Variants in EPHA3 observed in about 807,000 individuals in gnomAD.
The protein encoded by EPHA3 is ephrin type-A receptor 3.
Under a neutral mutation model 107.1 loss-of-function variants are expected in EPHA3, and 42 were observed. That is an observed-to-expected ratio of 0.39 (90% CI 0.31 to 0.51). The LOEUF (loss-of-function observed/expected upper bound fraction) is 0.51. Ranked by LOEUF, EPHA3 falls within the 20% of genes least tolerant of loss-of-function variation. The probability of loss-of-function intolerance (pLI) is 0.78; values close to 1 mark genes in which losing one functional copy is unlikely to be tolerated. For synonymous variants in EPHA3, 461 were observed against 424.8 expected (o/e 1.09, Z -1.05); for missense variants, 1,183 against 1,211.2 (o/e 0.98, Z 0.35).
At chr3:89,118,335 C>T (rs576494229) in intron 1 of EPHA3, among the ~76,000 whole-genome samples, 2 of 151,936 alleles carry the variant, frequency 1.3e-5, no homozygotes, top group South Asian at 4.1e-4. Flanking sequence ...TTTTCTTTGA[C>T]ATTTGTACAT....
chr3:89,475,773 A>G (rs1223894314), intron 16 of EPHA3, among the ~76,000 whole-genome samples: 1 of 152,178 alleles, frequency 6.6e-6, no homozygotes, highest in Admixed American at 6.6e-5. Context: ...TTGCCTTTGA[A>G]GTACCAGATA....
chr3:89,415,323 TA>T (rs1291849463), intron 10 of EPHA3, among the ~76,000 whole-genome samples: 1 of 150,776 alleles, frequency 6.6e-6, no homozygotes, highest in Non-Finnish European at 1.5e-5. Context: ...ACCTACTTCC[TA>T]CATTCTTAAT....
At chr3:89,454,995 G>GA (rs1218523735) in intron 15 of EPHA3, among the ~76,000 whole-genome samples, 6 of 151,906 alleles carry the variant, frequency 3.9e-5, no homozygotes, top group African/African-American at 1.5e-4. Context: ...ACTGTCTCTT[G>GA]AAAAAAATTA....
At chr3:89,201,229 C>T (rs1468103838) in intron 2 of EPHA3, among the ~76,000 whole-genome samples, 1 of 152,038 alleles carries the variant, frequency 6.6e-6, no homozygotes, top group African/African-American at 2.4e-5. Flanking sequence ...AAGCAGATCT[C>T]ATGAGAACTC....
Position 89,221,983 on chromosome 3 carries a change from C to A in EPHA3, c.814+11463C>A, listed in dbSNP as rs114068581. 4.6e-3 allele frequency among the ~76,000 whole-genome samples: 696 copies of A among 152,196 alleles called. 3 individuals are homozygous for A. Among genetic ancestry groups the A allele is most frequent in the African/African-American group, 0.016 (658 of 41,546 alleles). ...ATATTAATTAGCATAACATCTCTTT[C>A]TTTAACATAGGATTAGGTAAGCCTC... is the stretch of plus-strand genomic sequence containing the variant. On this transcript the variant is annotated intron_variant, in intron 3 of 16. Coordinates refer to ENST00000336596, the MANE Select transcript of EPHA3 (RefSeq NM_005233.6).
At position 89,272,157 on chromosome 3, in the gene EPHA3, G is replaced by A. The variant is rs371170946; in HGVS notation, c.814+61637G>A. Among the ~76,000 whole-genome samples, 7 of 151,926 alleles carry A rather than the reference G, an allele frequency of 4.6e-5. No individual in the cohort carries two copies. The East Asian group carries it at 7.7e-4, about 17-fold the overall frequency. On this transcript the variant is annotated intron_variant, in intron 3 of 16. Coordinates refer to ENST00000336596, the MANE Select transcript of EPHA3 (RefSeq NM_005233.6). ...TGGTCAACAGTAGGCTATTAGTAAAGTTTTTGAAAAGTCAAAAGTTATGCA... is the reference window on the plus strand; with the variant it reads ...TGGTCAACAGTAGGCTATTAGTAAAATTTTTGAAAAGTCAAAAGTTATGCA...
chr3:89,424,390 GC>G (rs1559691046), intron 11 of EPHA3, among the ~76,000 whole-genome samples: 3 of 151,104 alleles, frequency 2.0e-5, no homozygotes, highest in Non-Finnish European at 4.4e-5. Context: ...TATGTAAACA[GC>G]CCCCAAACAA....
At chr3:89,116,346 G>T (rs1168793033) in intron 1 of EPHA3, among the ~76,000 whole-genome samples, 5 of 152,010 alleles carry the variant, frequency 3.3e-5, no homozygotes. Flanking sequence ...GTCAGTAATA[G>T]GAGAAAATAG....
chr3:89,447,238 T>C (rs1260850610), intron 13 of EPHA3, among the ~76,000 whole-genome samples: 1 of 152,154 alleles, frequency 6.6e-6, no homozygotes, highest in Non-Finnish European at 1.5e-5. Flanking sequence ...GTCTCTCCAA[T>C]TTCATTTGTT....
At chr3:89,271,570 G>A (rs1239085544) in intron 3 of EPHA3, among the ~76,000 whole-genome samples, 1 of 151,702 alleles carries the variant, frequency 6.6e-6, no homozygotes, top group Non-Finnish European at 1.5e-5. Context: ...CATTTAACTG[G>A]TAGTATGTAA....
At chr3:89,476,664 G>A (rs1273379059) in intron 16 of EPHA3, among the ~76,000 whole-genome samples, 1 of 150,984 alleles carries the variant, frequency 6.6e-6, no homozygotes, top group Non-Finnish European at 1.5e-5. Flanking sequence ...CTGGAGTGCA[G>A]TGGCGCGATC....
chr3:89,168,604 G>T lies in EPHA3; in HGVS notation c.154-41256G>T, dbSNP rs562316622. Among the ~76,000 whole-genome samples the T allele has an allele frequency of 2.8e-3, 432 of 151,988 alleles. 3 individuals are homozygous for T. Among genetic ancestry groups the T allele is most frequent in the Non-Finnish European group, 5.2e-3 (356 of 67,918 alleles). ...CAATTTTAATTTCATGACTAAATTA[G>T]AGTTTAGTATATTATATCAAAACTA... is the stretch of plus-strand genomic sequence containing the variant. On this transcript the variant is annotated intron_variant, in intron 2 of 16. Transcript: ENST00000336596.
intron 16 of EPHA3, among the ~76,000 whole-genome samples, chr3:89,476,015 G>C (rs1192737159): frequency 6.6e-6 from 1 of 150,988 alleles, no homozygotes; most frequent in African/African-American, 2.4e-5. Context: ...TAACCCAAAT[G>C]GATAATTACT....
chr3:89,344,977 G>T (rs1707609542), intron 5 of EPHA3, among the ~76,000 whole-genome samples: 1 of 151,266 alleles, frequency 6.6e-6, no homozygotes, highest in African/African-American at 2.4e-5. Flanking sequence ...AGTAAAGAAA[G>T]AATTGCAGAT....
chr3:89,176,298 A>G (rs1195304735), intron 2 of EPHA3, among the ~76,000 whole-genome samples: 1 of 151,934 alleles, frequency 6.6e-6, no homozygotes, highest in Non-Finnish European at 1.5e-5. Context: ...CCTGGCCAAC[A>G]TATAGTGAAA....
At chr3:89,320,081 A>G (rs1707007567) in intron 3 of EPHA3, among the ~76,000 whole-genome samples, 1 of 152,032 alleles carries the variant, frequency 6.6e-6, no homozygotes, top group African/African-American at 2.4e-5. Flanking sequence ...AAAAAATAGC[A>G]TAATTCTAAG....
chr3:89,331,165 C>A (rs1247031560), intron 3 of EPHA3, among the ~76,000 whole-genome samples: 1 of 151,886 alleles, frequency 6.6e-6, no homozygotes, highest in Non-Finnish European at 1.5e-5. Flanking sequence ...GCACATGCAC[C>A]CAAACCTCAA....
At chr3:89,301,125 A>G (rs1706477656) in intron 3 of EPHA3, among the ~76,000 whole-genome samples, 1 of 152,100 alleles carries the variant, frequency 6.6e-6, no homozygotes, top group African/African-American at 2.4e-5. Flanking sequence ...AATAAGAAAT[A>G]CCATTTAGGG....
At chr3:89,440,159 C>A (rs571041262) in intron 13 of EPHA3, among the ~76,000 whole-genome samples, 1 of 152,264 alleles carries the variant, frequency 6.6e-6, no homozygotes, top group African/African-American at 2.4e-5. Flanking sequence ...TCACCCTTCA[C>A]CTTGTTGTCT....
Sources: gnomAD v4.1 joint callset for allele counts (sites outside exome capture counted in the v4.1 genomes callset) on GRCh38, gnomAD v4.1.1 for gene constraint, MANE v1.5 for transcripts, NCBI Gene and HGNC (gene_info 2026-07-23, HGNC 2026-07-21) for gene names.